TET1: variants seen among roughly 807,000 people sequenced by gnomAD.
TET1 encodes the protein tet methylcytosine dioxygenase 1, also known as methylcytosine dioxygenase TET1.
Under a neutral mutation model 148.7 loss-of-function variants are expected in TET1, and 13 were observed. That is an observed-to-expected ratio of 0.09 (90% CI 0.06 to 0.14). The LOEUF is 0.14. TET1 is among the 10% of genes least tolerant of loss of function. TET1 has a pLI of 1.00. For synonymous variants in TET1, 907 were observed against 937.2 expected, an observed-to-expected ratio of 0.97 and a Z score of 0.59; for missense variants, 2,182 against 2,553.8, an observed-to-expected ratio of 0.85 and a Z score of 3.14.
chr10:68,640,544 C>CTTTCTTTT (rs1564985245), intron 3 of TET1, among the ~76,000 whole-genome samples: 5 of 42,884 alleles, frequency 1.2e-4, no homozygotes, highest in African/African-American at 2.0e-4. Flanking sequence ...TTCTTTCTTT[C>CTTTCTTTT]TTTTTTTTTT....
intron 3 of TET1, among the ~76,000 whole-genome samples, chr10:68,611,741 C>A (rs2054216442): frequency 6.7e-6 from 1 of 148,156 alleles, no homozygotes; most frequent in Non-Finnish European, 1.5e-5. Context: ...GCTCTGTTGC[C>A]CAGGCTGGAG....
At chr10:68,681,719 A>C (rs978328763) in intron 9 of TET1, among the ~76,000 whole-genome samples, 5 of 152,086 alleles carry the variant, frequency 3.3e-5, no homozygotes, top group African/African-American at 7.2e-5. Context: ...GTAATCCCAG[A>C]ACTTTGGGAG....
chr10:68,580,313 A>ATTTTTTTTTTTTTTTTTT (rs1163318028), intron 2 of TET1, among the ~76,000 whole-genome samples: 1 of 60,400 alleles, frequency 1.7e-5, no homozygotes, highest in Non-Finnish European at 2.9e-5. Flanking sequence ...ATTATATTCA[A>ATTTTTTTTTTTTTTTTTT]TTTTTTTTTT....
chr10:68,614,689 G>A (rs1398583546), intron 3 of TET1, among the ~76,000 whole-genome samples: 2 of 152,098 alleles, frequency 1.3e-5, no homozygotes, highest in African/African-American at 2.4e-5. Flanking sequence ...CACCTCCTGG[G>A]TTCAAGCAGT....
rs6480347 is a variant in TET1 at position 68,611,189 on chromosome 10, G to T, written c.1968+10155G>T. 4.2e-3 allele frequency among the ~76,000 whole-genome samples: 636 copies of T among 152,116 alleles called. 4 individuals are homozygous for T. The highest frequency in any genetic ancestry group is 0.015 in the African/African-American group (602 of 41,496). On this transcript the variant is annotated intron_variant, in intron 3 of 11. Transcript: ENST00000373644. ...ACCTGTAATCCCAGCTACTCGGGAG[G>T]CTGAGGTAGGAAAATTGCTTGACCT...
rs2054829049 is a variant in TET1, at chr10:68,645,482, A to C, written c.2753A>C (p.Glu918Ala). The C allele has an allele frequency of 1.2e-6, 2 of 1,613,798 alleles. No individual in the cohort carries two copies. Among genetic ancestry groups the C allele is most frequent in the Admixed American group, 1.7e-5 (1 of 60,010 alleles). The change falls in exon 4 of 12, where the codon GAA becomes GCA. Residue 918 changes from glutamate to alanine, a missense_variant. By Grantham distance (107) the Glu-to-Ala change is moderately radical. Transcript: ENST00000373644. ...SSPSKSEKDEESEQRTASLLN... is the reference protein window; with the variant it reads ...SSPSKSEKDEASEQRTASLLN... ...CCATCAAAGTCAGAGAAGGATGAGGAATCAGAGCAGAGAACAGCCAGTTTG... is the reference window on the plus strand; with the variant it reads ...CCATCAAAGTCAGAGAAGGATGAGGCATCAGAGCAGAGAACAGCCAGTTTG...
At chr10:68,666,609 AAC>A (rs1389882111) in intron 6 of TET1, among the ~76,000 whole-genome samples, 1 of 152,218 alleles carries the variant, frequency 6.6e-6, no homozygotes, top group African/African-American at 2.4e-5. Context: ...AGTGAAATAA[AAC>A]ACAGACTGCC....
In TET1 at chr10:68,651,870, G is replaced by T. The variant is rs754303695; in HGVS notation, c.4301G>T (p.Gly1434Val). Residue 1434 changes from glycine to valine, a missense_variant, in exon 5 of 12, where the codon GGC becomes GTC. By Grantham distance (109) the Gly-to-Val change is moderately radical. Transcript: ENST00000373644. ...GATCGAGTTATACAAAAAGACAAAGGCCCATATTATACACACCTTGGGGCA... is the reference window on the plus strand; with the variant it reads ...GATCGAGTTATACAAAAAGACAAAGTCCCATATTATACACACCTTGGGGCA... ...CLDRVIQKDK[G>V]PYYTHLGAGP... is the part of the protein sequence containing the mutation. 11 of 1,613,102 alleles carry T rather than the reference G, an allele frequency of 6.8e-6. No homozygotes were observed. The highest frequency in any genetic ancestry group is 9.3e-6 in the Non-Finnish European group (11 of 1,179,734).
intron 11 of TET1, among the ~76,000 whole-genome samples, chr10:68,687,637 T>A (rs998866007): frequency 2.0e-4 from 30 of 152,212 alleles, no homozygotes; most frequent in Middle Eastern, 6.8e-3. Flanking sequence ...GGCTCTGGAG[T>A]GCATGCAGTG....
intron 6 of TET1, among the ~76,000 whole-genome samples, chr10:68,658,194 C>A (rs1399116626): frequency 1.3e-5 from 2 of 152,112 alleles, no homozygotes; most frequent in East Asian, 3.9e-4. Flanking sequence ...ACTGCCCCCT[C>A]ACCTTTTTTT....
At chr10:68,636,630 T>C (rs916703425) in intron 3 of TET1, among the ~76,000 whole-genome samples, 2 of 152,146 alleles carry the variant, frequency 1.3e-5, no homozygotes, top group Non-Finnish European at 2.9e-5. Context: ...GCTGTGATCC[T>C]CTTACTGCAC....
intron 6 of TET1, among the ~76,000 whole-genome samples, chr10:68,661,543 A>G (rs1428122329): frequency 6.6e-6 from 1 of 152,034 alleles, no homozygotes; most frequent in Non-Finnish European, 1.5e-5. Flanking sequence ...CCAGGCTAAA[A>G]GTACAGTGGC....
chr10:68,631,771 C>T (rs2054575449), intron 3 of TET1, among the ~76,000 whole-genome samples: 1 of 152,092 alleles, frequency 6.6e-6, no homozygotes, highest in African/African-American at 2.4e-5. Context: ...AGCTTATGTT[C>T]TTAGAAAGCT....
intron 3 of TET1, among the ~76,000 whole-genome samples, chr10:68,637,589 C>T (rs2054673445): frequency 6.9e-6 from 1 of 144,670 alleles, no homozygotes; most frequent in Admixed American, 7.1e-5. Flanking sequence ...GCTGTGGTGC[C>T]ATCTTGGCTT....
chr10:68,604,582 T>C (rs1468834533), intron 3 of TET1, among the ~76,000 whole-genome samples: 1 of 152,078 alleles, frequency 6.6e-6, no homozygotes, highest in East Asian at 1.9e-4. Flanking sequence ...AATGCCCTGC[T>C]CTCCAGTCTC....
At position 68,645,933 on chromosome 10, in the gene TET1, A is replaced by G. The variant is rs772301975; in HGVS notation, c.3204A>G (p.Ala1068=). ...CAGATGATCTATCATGTCAGGATGC[A>G]ACCCATACCCAAATTGAGGAAGATG... ...LDSDDLSCQD[A]THTQIEEDVA... is the part of the protein sequence containing the mutation. Residue 1068 remains alanine (A), a synonymous_variant, in exon 4 of 12, where the codon GCA becomes GCG. Coordinates refer to ENST00000373644, the MANE Select transcript of TET1 (RefSeq NM_030625.3). 67 of 1,614,016 alleles carry G rather than the reference A, an allele frequency of 4.2e-5. No individual in the cohort carries two copies. The highest frequency in any genetic ancestry group is 5.3e-5 in the Non-Finnish European group (63 of 1,180,028).
At chr10:68,562,539 TTAAAGC>T (rs1460289118) in intron 1 of TET1, among the ~76,000 whole-genome samples, 1 of 152,328 alleles carries the variant, frequency 6.6e-6, no homozygotes. Context: ...TTGTCAGTCT[TTAAAGC>T]TAAGTTGTGG....
At chr10:68,683,763 A>C (rs1207144430) in intron 10 of TET1, among the ~76,000 whole-genome samples, 2 of 152,192 alleles carry the variant, frequency 1.3e-5, no homozygotes, top group African/African-American at 4.8e-5. Context: ...TATGAAGTTG[A>C]GCATGTTACT....
chr10:68,630,980 C>T (rs546216528), intron 3 of TET1, among the ~76,000 whole-genome samples: 44 of 151,924 alleles, frequency 2.9e-4, no homozygotes, highest in African/African-American at 9.4e-4. Context: ...AGTTTGAGAC[C>T]AGCGTGGGCA....
Sources: allele counts gnomAD v4.1 joint callset (sites outside exome capture counted in the v4.1 genomes callset), GRCh38; gene constraint gnomAD v4.1.1; transcripts MANE v1.5; gene names NCBI Gene and HGNC (gene_info 2026-07-23, HGNC 2026-07-21).